Variants in SIRPB1 observed in about 807,000 individuals in gnomAD.
The protein encoded by SIRPB1 is signal regulatory protein beta 1.
A neutral mutation model predicts 34.1 loss-of-function variants in SIRPB1; 28 were observed. The observed-to-expected ratio is 0.82, with a 90% confidence interval of 0.61 to 1.12. SIRPB1 has a LOEUF of 1.12. SIRPB1 is among the 50% of genes most tolerant of loss of function. The pLI is 0.00. For synonymous variants in SIRPB1, 211 were observed against 203.8 expected (o/e 1.04, Z -0.30); for missense variants, 499 against 507.0 (o/e 0.98, Z 0.15).
At chr20:1,612,620 A>T (rs1233081918) in intron 1 of SIRPB1, among the ~76,000 whole-genome samples, 1 of 72,630 alleles carries the variant, frequency 1.4e-5, no homozygotes, top group Admixed American at 1.1e-4. Flanking sequence ...TGCATGCAGA[A>T]CTGCCAATCC....
Position 1,564,119 on chromosome 20 carries a change from A to G in SIRPB1, c.*1381T>C, listed in dbSNP as rs1299474494. The G allele has an allele frequency of 1.3e-5, 2 of 152,232 alleles. No homozygotes were observed. The highest frequency in any genetic ancestry group is 2.9e-5 in the Non-Finnish European group (2 of 68,046). 9.4% of individuals were successfully genotyped at this position (152,232 alleles called of 1,614,324 possible). On this transcript the variant is annotated 3_prime_UTR_variant, in exon 6 of 6. Coordinates refer to ENST00000381605, the MANE Select transcript of SIRPB1 (RefSeq NM_006065.5). ...TATTTTCATTGTCCTCTACATTTGTAACTGAGAGTGTGAGAGTTTCTAATA... is the reference window on the plus strand; with the variant it reads ...TATTTTCATTGTCCTCTACATTTGTGACTGAGAGTGTGAGAGTTTCTAATA...
intron 1 of SIRPB1, among the ~76,000 whole-genome samples, chr20:1,603,392 G>A (rs2091484897): frequency 2.0e-5 from 1 of 49,650 alleles, no homozygotes. Context: ...ATGTCTTTCT[G>A]AAATTCACAC....
intron 1 of SIRPB1, among the ~76,000 whole-genome samples, chr20:1,614,904 G>T (rs937982319): frequency 1.3e-5 from 2 of 152,114 alleles, no homozygotes; most frequent in Non-Finnish European, 2.9e-5. Flanking sequence ...GTACAGCTTT[G>T]TGTTGCCTTT....
chr20:1,619,837 G>GA, intron 1 of SIRPB1, 32 bp downstream of exon 1: 2 of 1,535,572 alleles, frequency 1.3e-6, no homozygotes, highest in South Asian at 1.1e-5. Flanking sequence ...CAGTGGGCAG[G>GA]AAAAAAGATT....
rs1268000490 is a variant in SIRPB1, at chr20:1,564,096, T to A, written c.*1404A>T. 6.6e-6 allele frequency: 1 copy of A among 152,260 alleles called. No homozygotes were observed. Among genetic ancestry groups the A allele is most frequent in the African/African-American group, 2.4e-5 (1 of 41,460 alleles). The allele number at this position is 152,260 out of a possible 1,614,324, so 9.4% of individuals were successfully genotyped here. On this transcript the variant is annotated 3_prime_UTR_variant, in exon 6 of 6. Coordinates refer to ENST00000381605, the MANE Select transcript of SIRPB1 (RefSeq NM_006065.5). Reference sequence around the variant, plus strand: ...ACAAATAAATATTTATTTCATTATATTTTCATTGTCCTCTACATTTGTAAC... The same window carrying A: ...ACAAATAAATATTTATTTCATTATAATTTCATTGTCCTCTACATTTGTAAC...
intron 1 of SIRPB1, among the ~76,000 whole-genome samples, chr20:1,617,416 A>G (rs2091645674): frequency 6.6e-6 from 1 of 152,226 alleles, no homozygotes; most frequent in Admixed American, 6.5e-5. Context: ...ATATTATGCT[A>G]AGTAAAATAA....
At position 1,566,244 on chromosome 20, in the gene SIRPB1, G is replaced by C; in HGVS notation, c.1108C>G (p.Pro370Ala). The change falls in exon 5 of 6, where the codon CCA (proline) becomes GCA (alanine). Residue 370 changes from proline (P) to alanine (A), a missense_variant. Coordinates refer to ENST00000381605, the MANE Select transcript of SIRPB1 (RefSeq NM_006065.5). ...CCCAGGAGGAGAGCTACGAGGAGTG[G>C]AGCAGTAGGAGCCAGCGCTGCTTCT... ...THEAALAPTA[P>A]LLVALLLGPK... 6.2e-7 allele frequency: 1 copy of C among 1,608,284 alleles called. No homozygotes were observed. Among genetic ancestry groups the C allele is most frequent in the Non-Finnish European group, 8.5e-7 (1 of 1,177,610 alleles).
chr20:1,613,780 A>AG (rs1284566013), intron 1 of SIRPB1, among the ~76,000 whole-genome samples: 3 of 152,226 alleles, frequency 2.0e-5, no homozygotes, highest in African/African-American at 7.2e-5. Flanking sequence ...CTGGAGTTCC[A>AG]GGGGGAAAAA....
At position 1,563,170 on chromosome 20, in the gene SIRPB1, A is replaced by G. The variant is rs1312934362; in HGVS notation, c.*2330T>C. On this transcript the variant is annotated 3_prime_UTR_variant, in exon 6 of 6. Coordinates refer to ENST00000381605, the MANE Select transcript of SIRPB1 (RefSeq NM_006065.5). The stretch of plus-strand genomic sequence containing the variant: ...TGTTGGAAGCTAGTCCAAACTTAGA[A>G]AGATGGCAAAACACCAAGGTATAAT... Among the ~76,000 whole-genome samples, 7 of 152,204 alleles carry G rather than the reference A, an allele frequency of 4.6e-5. No homozygotes were observed. Among genetic ancestry groups the G allele is most frequent in the Non-Finnish European group, 8.8e-5 (6 of 68,022 alleles).
chr20:1,586,232 A>G lies in SIRPB1; in HGVS notation c.77-7538T>C, dbSNP rs2091422073. On this transcript the variant is annotated intron_variant, in intron 1 of 5. Coordinates refer to ENST00000381605, the MANE Select transcript of SIRPB1 (RefSeq NM_006065.5). ...TATATCCTTCAAAATTGCGAAGTGC[A>G]TAGATTTTAGGAGTTCTCGCCATAC... Among the ~76,000 whole-genome samples the G allele has an allele frequency of 4.1e-5, 2 of 49,194 alleles. 1 individual carries two copies. The highest frequency in any genetic ancestry group is 7.8e-5 in the Non-Finnish European group (2 of 25,478). The allele number at this position is 49,194 out of a possible 152,430, so 32.3% of individuals were successfully genotyped here. A position where few individuals can be genotyped will look rare whatever the true frequency, so the allele number is the denominator to read the frequency against.
intron 2 of SIRPB1, chr20:1,578,025 A>G (rs914676125): frequency 9.6e-6 from 4 of 414,632 alleles, no homozygotes; most frequent in Non-Finnish European, 1.8e-5. Flanking sequence ...CTGTGCCTGG[A>G]CAAGTCACTC....
rs1568707461 is a variant in SIRPB1, at chr20:1,612,359, T to C, written c.76+7510A>G. ...CTGAGTAGAACTCTTGAGCCCTCCT[T>C]GGAAGTGCCATGTTTTGCTAAATAT... On this transcript the variant is annotated intron_variant, in intron 1 of 5. Coordinates refer to ENST00000381605, the MANE Select transcript of SIRPB1 (RefSeq NM_006065.5). 2.8e-5 allele frequency among the ~76,000 whole-genome samples: 2 copies of C among 72,682 alleles called. 1 individual carries two copies. The highest frequency in any genetic ancestry group is 1.2e-3 in the South Asian group (2 of 1,722). 47.7% of individuals were successfully genotyped at this position (72,682 alleles called of 152,430 possible). A position where few individuals can be genotyped will look rare whatever the true frequency, so the allele number is the denominator to read the frequency against.
chr20:1,608,729 C>G (rs1242322681), intron 1 of SIRPB1, among the ~76,000 whole-genome samples: 1 of 151,990 alleles, frequency 6.6e-6, no homozygotes, highest in African/African-American at 2.4e-5. Context: ...TCATGAGACA[C>G]GCGCAGGGCC....
intron 1 of SIRPB1, chr20:1,591,253 A>G (rs528444095): frequency 2.0e-5 from 1 of 48,972 alleles, no homozygotes; most frequent in Admixed American, 1.4e-4. Context: ...CAGCACAGAG[A>G]CACACCTAAA....
At chr20:1,578,262 G>T (rs2091345924) in intron 2 of SIRPB1, 76 bp downstream of exon 2, 1 of 1,461,118 alleles carries the variant, frequency 6.8e-7, no homozygotes, top group Non-Finnish European at 9.5e-7. Flanking sequence ...CCTGGCTGTT[G>T]CTCCAAGAAT....
intron 1 of SIRPB1, among the ~76,000 whole-genome samples, chr20:1,619,401 C>T (rs924998983): frequency 2.6e-5 from 4 of 152,090 alleles, no homozygotes; most frequent in Admixed American, 2.0e-4. Context: ...AGGATGGTGG[C>T]TGAACACTCC....
At chr20:1,568,930 A>G (rs2091183639) in intron 4 of SIRPB1, among the ~76,000 whole-genome samples, 2 of 152,210 alleles carry the variant, frequency 1.3e-5, no homozygotes, top group African/African-American at 2.4e-5. Context: ...ATAAAATGGG[A>G]AAAAACTCTA....
intron 4 of SIRPB1, among the ~76,000 whole-genome samples, chr20:1,568,985 T>C (rs927347914): frequency 6.6e-6 from 1 of 152,132 alleles, no homozygotes; most frequent in Non-Finnish European, 1.5e-5. Flanking sequence ...ATTTTTAGTA[T>C]CAGGATGAAA....
intron 2 of SIRPB1, among the ~76,000 whole-genome samples, chr20:1,572,291 A>T (rs2091253818): frequency 6.6e-6 from 1 of 152,130 alleles, no homozygotes; most frequent in South Asian, 2.1e-4. Flanking sequence ...AGTCCTCTCC[A>T]CACAGGGAGA....
Sources: gnomAD v4.1 joint callset for allele counts (sites outside exome capture counted in the v4.1 genomes callset) on GRCh38, gnomAD v4.1.1 for gene constraint, MANE v1.5 for transcripts, NCBI Gene and HGNC (gene_info 2026-07-23, HGNC 2026-07-21) for gene names.